DOCK4: variants seen among roughly 807,000 people sequenced by gnomAD.
DOCK4 encodes dedicator of cytokinesis 4.
In DOCK4, 97 loss-of-function variants were observed where a neutral mutation model predicts 268.1. That is an observed-to-expected ratio of 0.36 (90% CI 0.31 to 0.43). The LOEUF (loss-of-function observed/expected upper bound fraction) is 0.43, where lower values mean the gene tolerates loss of function less well. Ranked by LOEUF, DOCK4 falls within the 20% of genes least tolerant of loss-of-function variation. The pLI is 1.00. For synonymous variants in DOCK4, 954 were observed against 887.2 expected (o/e 1.08, Z -1.34); for missense variants, 2,145 against 2,455.7 (o/e 0.87, Z 2.67).
At chr7:111,963,354 C>T (rs1289621520) in intron 8 of DOCK4, among the ~76,000 whole-genome samples, 1 of 134,186 alleles carries the variant, frequency 7.5e-6, no homozygotes, top group Non-Finnish European at 1.5e-5. Context: ...GTGTGCGCAC[C>T]GTGCGCGAGC....
In DOCK4 at chr7:111,891,132, T is replaced by C. The variant is rs1233441086; in HGVS notation, c.1587+4480A>G. Among the ~76,000 whole-genome samples, 9 of 152,158 alleles carry C rather than the reference T, an allele frequency of 5.9e-5. No homozygotes were observed. The South Asian group carries it at 1.2e-3, about 21-fold the overall frequency. On this transcript the variant is annotated intron_variant, in intron 16 of 52. Coordinates refer to ENST00000428084, the MANE Select transcript of DOCK4 (RefSeq NM_001363540.2). ...TACATAAAAGTCCAGAATTAAATAG[T>C]ATAAAACAAGGCTAAGTTTAAATTT...
Position 111,769,612 on chromosome 7 carries a change from A to C in DOCK4, c.3745T>G (p.Phe1249Val), listed in dbSNP as rs970022105. 2 of 1,613,488 alleles carry C rather than the reference A, an allele frequency of 1.2e-6. No homozygotes were observed. Among genetic ancestry groups the C allele is most frequent in the African/African-American group, 2.7e-5 (2 of 74,900 alleles). Reference sequence around the variant, plus strand: ...TCTGTTTGCATGGGGTAGGTCAGGAACTCCCTGAGGGGCCGATCAGACCAT... The same window carrying C: ...TCTGTTTGCATGGGGTAGGTCAGGACCTCCCTGAGGGGCCGATCAGACCAT... ...LEWSDRPLRE[F>V]LTYPMQTEWQ... Residue 1249 changes from phenylalanine to valine, a missense_variant, in exon 37 of 53, where the codon TTC becomes GTC. Around this residue, in one of 2 missense-constraint regions of DOCK4, gnomAD observed 1,598 missense variants for 1,986.7 expected, o/e 0.80. Transcript: ENST00000428084.
intron 1 of DOCK4, chr7:112,023,639 C>T (rs1464738295): frequency 2.2e-6 from 1 of 453,120 alleles, no homozygotes; most frequent in Non-Finnish European, 4.4e-6. Context: ...TTTTTAAAAA[C>T]TCTGTCCTTG....
rs1467333069 is a variant in DOCK4, at chr7:111,726,807, T to C, written c.*1467A>G. 6.5e-6 allele frequency: 1 copy of C among 152,724 alleles called. No individual in the cohort carries two copies. 9.5% of individuals were successfully genotyped at this position (152,724 alleles called of 1,614,324 possible). A position where few individuals can be genotyped will look rare whatever the true frequency, so the allele number is the denominator to read the frequency against. ...CACATAATGGTATCTCTTATTAAAATTAACCAGTTATATACAAAAATACTT... is the reference window on the plus strand; with the variant it reads ...CACATAATGGTATCTCTTATTAAAACTAACCAGTTATATACAAAAATACTT... On this transcript the variant is annotated 3_prime_UTR_variant, in exon 53 of 53. Coordinates refer to ENST00000428084, the MANE Select transcript of DOCK4 (RefSeq NM_001363540.2).
chr7:112,137,107 T>A (rs1814431091), intron 1 of DOCK4, among the ~76,000 whole-genome samples: 2 of 152,108 alleles, frequency 1.3e-5, no homozygotes, highest in East Asian at 1.9e-4. Flanking sequence ...AGGTATTGAG[T>A]CATACATATT....
intron 15 of DOCK4, among the ~76,000 whole-genome samples, chr7:111,897,259 C>G (rs1808831804): frequency 6.6e-6 from 1 of 152,036 alleles, no homozygotes; most frequent in Non-Finnish European, 1.5e-5. Context: ...TTTGAACTAC[C>G]ACTGGCACCT....
chr7:112,012,738 T>G (rs1179767110), intron 1 of DOCK4, among the ~76,000 whole-genome samples: 3 of 152,208 alleles, frequency 2.0e-5, no homozygotes, highest in African/African-American at 7.2e-5. Flanking sequence ...GATTAAGAAC[T>G]AAGATTATTT....
chr7:112,115,509 A>G (rs1439416977), intron 1 of DOCK4, among the ~76,000 whole-genome samples: 1 of 152,040 alleles, frequency 6.6e-6, no homozygotes, highest in Non-Finnish European at 1.5e-5. Context: ...TCATCTTTCA[A>G]CTACGCTTCA....
intron 16 of DOCK4, among the ~76,000 whole-genome samples, chr7:111,887,171 A>G (rs1807918626): frequency 6.6e-6 from 1 of 152,208 alleles, no homozygotes; most frequent in Admixed American, 6.5e-5. Context: ...TGGTGGGTAA[A>G]TGTGACAAGA....
intron 7 of DOCK4, among the ~76,000 whole-genome samples, chr7:111,979,583 G>A (rs1798455801): frequency 2.6e-5 from 4 of 151,186 alleles, no homozygotes; most frequent in African/African-American, 9.7e-5. Flanking sequence ...CGCCAGAACT[G>A]CTAACTTATT....
intron 1 of DOCK4, among the ~76,000 whole-genome samples, chr7:112,107,122 G>C (rs1479657544): frequency 6.6e-6 from 1 of 152,174 alleles, no homozygotes; most frequent in African/African-American, 2.4e-5. Context: ...AAGCCCATCT[G>C]TATAAGGCTC....
chr7:112,172,158 C>G (rs17567733), intron 1 of DOCK4, among the ~76,000 whole-genome samples: 15,323 of 152,202 alleles, frequency 0.1, 951 homozygotes, highest in South Asian at 0.14. Flanking sequence ...CATAACAATG[C>G]CCCGATGAAA....
At chr7:112,203,525 G>T (rs1022678928) in intron 1 of DOCK4, among the ~76,000 whole-genome samples, 1 of 152,044 alleles carries the variant, frequency 6.6e-6, no homozygotes, top group Non-Finnish European at 1.5e-5. Context: ...ATACATAAAT[G>T]AGGGTATATA....
At chr7:111,743,033 A>G (rs565314770) in intron 44 of DOCK4, among the ~76,000 whole-genome samples, 1 of 152,148 alleles carries the variant, frequency 6.6e-6, no homozygotes, top group East Asian at 1.9e-4. Context: ...ATCCCAAAAA[A>G]CATTATTCAT....
At chr7:112,197,335 T>C (rs557993024) in intron 1 of DOCK4, among the ~76,000 whole-genome samples, 1 of 152,266 alleles carries the variant, frequency 6.6e-6, no homozygotes, top group African/African-American at 2.4e-5. Context: ...TATTGCTTTA[T>C]ATATTGAAGC....
intron 23 of DOCK4, among the ~76,000 whole-genome samples, chr7:111,848,334 C>G (rs1304502681): frequency 6.6e-6 from 1 of 152,162 alleles, no homozygotes; most frequent in Non-Finnish European, 1.5e-5. Context: ...GGCTGTGTAA[C>G]CTGAGAAGCC....
intron 7 of DOCK4, among the ~76,000 whole-genome samples, chr7:111,981,658 C>A (rs570708794): frequency 6.6e-6 from 1 of 152,314 alleles, no homozygotes; most frequent in East Asian, 1.9e-4. Context: ...TCAAGTGCAA[C>A]CAGCACTGAG....
intron 15 of DOCK4, among the ~76,000 whole-genome samples, chr7:111,899,735 C>T (rs1790975047): frequency 6.6e-6 from 1 of 151,998 alleles, no homozygotes; most frequent in Non-Finnish European, 1.5e-5. Flanking sequence ...CCAGCCTGAC[C>T]AATATGGTGA....
chr7:111,898,423 C>G (rs1790847604), intron 15 of DOCK4, among the ~76,000 whole-genome samples: 1 of 152,206 alleles, frequency 6.6e-6, no homozygotes, highest in South Asian at 2.1e-4. Context: ...CTTTCTACTC[C>G]CTAGCTGCAA....
Sources: gnomAD v4.1 joint callset for allele counts (sites outside exome capture counted in the v4.1 genomes callset) on GRCh38, gnomAD v4.1.1 for gene constraint, gnomAD v4.1.1 regional missense constraint, MANE v1.5 for transcripts, NCBI Gene and HGNC (gene_info 2026-07-23, HGNC 2026-07-21) for gene names.